EIF4G3: variants seen among roughly 807,000 people sequenced by gnomAD.
The protein encoded by EIF4G3 is eIF-4-gamma 3.
In EIF4G3, 34 loss-of-function variants were observed where a neutral mutation model predicts 186.4. The ratio of observed to expected loss-of-function variants is 0.18; its 90% CI spans 0.14 to 0.24. The LOEUF is 0.24. EIF4G3 is among the 10% of genes least tolerant of loss of function. The pLI is 1.00. For synonymous variants in EIF4G3, 673 were observed against 679.5 expected, an observed-to-expected ratio of 0.99 and a Z score of 0.15; for missense variants, 1,536 against 1,948.5, an observed-to-expected ratio of 0.79 and a Z score of 3.99.
chr1:21,045,985 G>A (rs1014808061), intron 4 of EIF4G3, among the ~76,000 whole-genome samples: 2 of 152,158 alleles, frequency 1.3e-5, no homozygotes, highest in Non-Finnish European at 2.9e-5. Context: ...GGCATTAATA[G>A]GAACTTCCAT....
chr1:21,104,533 C>T (rs1253564600), intron 2 of EIF4G3, among the ~76,000 whole-genome samples: 2 of 152,156 alleles, frequency 1.3e-5, no homozygotes, highest in Admixed American at 6.5e-5. Context: ...CTACCTTATA[C>T]CAGTCACGAT....
chr1:21,063,505 T>C (rs2095043703), intron 3 of EIF4G3, among the ~76,000 whole-genome samples: 1 of 152,036 alleles, frequency 6.6e-6, no homozygotes, highest in African/African-American at 2.4e-5. Flanking sequence ...AAATATATAT[T>C]TAGAAAAATG....
intron 19 of EIF4G3, among the ~76,000 whole-genome samples, chr1:20,879,887 T>C (rs1387801584): frequency 6.6e-6 from 1 of 152,090 alleles, no homozygotes. Context: ...TACGTAAAAA[T>C]ACTTTAGCCA....
intron 14 of EIF4G3, among the ~76,000 whole-genome samples, chr1:20,935,179 T>C (rs76444005): frequency 0.012 from 1,775 of 152,272 alleles, 16 homozygotes; most frequent in Non-Finnish European, 0.019. Context: ...AATAGAAACA[T>C]GACGTATAAA....
intron 20 of EIF4G3, among the ~76,000 whole-genome samples, chr1:20,867,854 C>T (rs1277980811): frequency 6.6e-6 from 1 of 152,072 alleles, no homozygotes; most frequent in African/African-American, 2.4e-5. Context: ...TGTAATCATG[C>T]ATAAACTTTT....
intron 7 of EIF4G3, among the ~76,000 whole-genome samples, chr1:20,985,415 C>CT (rs914280469): frequency 3.3e-5 from 5 of 151,836 alleles, no homozygotes; most frequent in Admixed American, 1.3e-4. Context: ...CAACAATAGT[C>CT]TATCTGGAGC....
chr1:20,824,943 G>T (rs994993747), intron 33 of EIF4G3, among the ~76,000 whole-genome samples, 157 bp downstream of exon 33: 1 of 152,006 alleles, frequency 6.6e-6, no homozygotes, highest in Non-Finnish European at 1.5e-5. Context: ...CCACACAGTT[G>T]GAGTGGCTTT....
In EIF4G3 at chr1:20,817,404, A is replaced by G; in HGVS notation, c.4503T>C (p.Phe1501=). The change falls in exon 34 of 37, where the codon TTT becomes TTC. Residue 1501 remains phenylalanine, a synonymous_variant. Coordinates refer to ENST00000602326, the MANE Select transcript of EIF4G3 (RefSeq NM_001391906.1). ...ATAGTCTTTATACCTCTACCCAGTC[A>G]AAGATCTGTTCATCATTCGCTTTGT... The part of the protein sequence containing the change: ...IEDKANDEQI[F]DWVEANLDEI... 6.3e-7 allele frequency: 1 copy of G among 1,595,266 alleles called. No homozygotes were observed. The highest frequency in any genetic ancestry group is 1.3e-5 in the African/African-American group (1 of 74,724).
intron 2 of EIF4G3, among the ~76,000 whole-genome samples, chr1:21,152,291 G>A (rs1468451421): frequency 8.0e-6 from 1 of 124,818 alleles, no homozygotes; most frequent in Non-Finnish European, 1.6e-5. Context: ...GAGCCAAGAT[G>A]ATGCCACTGT....
At chr1:21,103,037 G>GT (rs780167161) in intron 2 of EIF4G3, among the ~76,000 whole-genome samples, 8 of 152,120 alleles carry the variant, frequency 5.3e-5, no homozygotes, top group Non-Finnish European at 1.0e-4. Flanking sequence ...ATATTTGGAT[G>GT]TATTTTTTAA....
intron 14 of EIF4G3, among the ~76,000 whole-genome samples, chr1:20,915,962 A>C (rs1261873256): frequency 6.6e-6 from 1 of 152,214 alleles, no homozygotes; most frequent in African/African-American, 2.4e-5. Flanking sequence ...ATCCAAAGGA[A>C]TCTCTATGAA....
At chr1:21,150,907 C>G (rs1303532775) in intron 2 of EIF4G3, among the ~76,000 whole-genome samples, 2 of 152,168 alleles carry the variant, frequency 1.3e-5, no homozygotes, top group African/African-American at 4.8e-5. Flanking sequence ...ACTCAGGAGG[C>G]AGAGGTTGCA....
intron 2 of EIF4G3, chr1:21,111,401 A>G (rs1319444530): frequency 2.1e-6 from 1 of 471,522 alleles, no homozygotes; most frequent in Non-Finnish European, 4.4e-6. Flanking sequence ...GAATTAGCAA[A>G]ATAAGGCTTA....
At chr1:20,833,446 T>A (rs1298576242) in intron 30 of EIF4G3, among the ~76,000 whole-genome samples, 1 of 152,124 alleles carries the variant, frequency 6.6e-6, no homozygotes, top group African/African-American at 2.4e-5. Flanking sequence ...GTGATTTTTG[T>A]ACATTGATTT....
intron 7 of EIF4G3, among the ~76,000 whole-genome samples, chr1:20,984,145 G>A (rs2078893366): frequency 6.6e-6 from 1 of 152,052 alleles, no homozygotes; most frequent in South Asian, 2.1e-4. Flanking sequence ...TAAATATGTA[G>A]TTATATTGAT....
intron 2 of EIF4G3, among the ~76,000 whole-genome samples, chr1:21,160,515 C>T (rs1388233987): frequency 6.6e-6 from 1 of 152,142 alleles, no homozygotes; most frequent in Non-Finnish European, 1.5e-5. Context: ...AAGAGAATAA[C>T]TCCACAATAG....
At chr1:21,164,106 T>C (rs920174292) in intron 2 of EIF4G3, among the ~76,000 whole-genome samples, 4 of 152,076 alleles carry the variant, frequency 2.6e-5, no homozygotes, top group Admixed American at 6.6e-5. Context: ...ACATATACAT[T>C]AGAATAGCCT....
At chr1:21,008,938 T>C (rs1384694563) in intron 4 of EIF4G3, among the ~76,000 whole-genome samples, 2 of 152,088 alleles carry the variant, frequency 1.3e-5, no homozygotes, top group African/African-American at 2.4e-5. Flanking sequence ...CAAAAGAAAT[T>C]CCAGATTGAT....
intron 30 of EIF4G3, among the ~76,000 whole-genome samples, chr1:20,838,408 A>G (rs913712171): frequency 3.3e-5 from 5 of 152,198 alleles, no homozygotes; most frequent in Admixed American, 3.3e-4. Flanking sequence ...ATAAATGGAT[A>G]TCCTCGTCAC....
Sources: allele counts gnomAD v4.1 joint callset (sites outside exome capture counted in the v4.1 genomes callset), GRCh38; gene constraint gnomAD v4.1.1; transcripts MANE v1.5; gene names NCBI Gene and HGNC (gene_info 2026-07-23, HGNC 2026-07-21).